The following PTPRN2 variants were observed in gnomAD, a reference collection of about 807,000 sequenced individuals.
PTPRN2 encodes the protein protein tyrosine phosphatase receptor type N2.
Under a neutral mutation model 118.8 loss-of-function variants are expected in PTPRN2, and 74 were observed. That is an observed-to-expected ratio of 0.62 (90% confidence interval 0.52 to 0.76). PTPRN2 has a LOEUF of 0.76. Among genes scored for constraint, PTPRN2 ranks in the 30% least tolerant of loss-of-function variants. The probability of loss-of-function intolerance (pLI) is 0.00; values close to 1 mark genes in which losing one functional copy is unlikely to be tolerated. For missense variants in PTPRN2, 1,481 were observed against 1,394.4 expected (o/e 1.06, Z -0.99); for synonymous variants, 641 against 608.0 (o/e 1.05, Z -0.80).
chr7:158,334,376 T>C (rs185584369), intron 2 of PTPRN2, among the ~76,000 whole-genome samples: 268 of 4,148 alleles, frequency 0.065, 1 homozygote, highest in African/African-American at 0.084. Context: ...CGCCCGCAGA[T>C]GTCACTCACA....
At chr7:158,415,586 G>A (rs1814590614) in intron 2 of PTPRN2, among the ~76,000 whole-genome samples, 1 of 152,170 alleles carries the variant, frequency 6.6e-6, no homozygotes, top group Non-Finnish European at 1.5e-5. Flanking sequence ...TTAGAACCAT[G>A]GGCCCATTCT....
At chr7:158,171,018 T>A (rs1823505591) in intron 5 of PTPRN2, among the ~76,000 whole-genome samples, 1 of 146,200 alleles carries the variant, frequency 6.8e-6, no homozygotes, top group South Asian at 2.1e-4. Context: ...TACACATACA[T>A]ATATATACAC....
At chr7:158,248,646 C>T (rs1796414414) in intron 3 of PTPRN2, among the ~76,000 whole-genome samples, 1 of 151,440 alleles carries the variant, frequency 6.6e-6, no homozygotes, top group Non-Finnish European at 1.5e-5. Flanking sequence ...CACACATATG[C>T]ACACATCACA....
At chr7:158,300,507 G>A (rs191044288) in intron 3 of PTPRN2, among the ~76,000 whole-genome samples, 2 of 56,308 alleles carry the variant, frequency 3.6e-5, no homozygotes, top group East Asian at 4.5e-4. Flanking sequence ...CCCATGAGGC[G>A]ACGTGGTGCG....
intron 11 of PTPRN2, among the ~76,000 whole-genome samples, chr7:158,016,328 G>A (rs1053494053): frequency 6.6e-6 from 1 of 152,154 alleles, no homozygotes; most frequent in South Asian, 2.1e-4. Flanking sequence ...CCTGTGCCCC[G>A]CCGGGCCCAC....
rs113620993 is a variant in PTPRN2, at chr7:157,936,021, G to A, written c.1724-37284C>T. Among the ~76,000 whole-genome samples, 1,003 of 150,578 alleles carry A rather than the reference G, an allele frequency of 6.7e-3. 15 individuals carry two copies. The highest frequency in any genetic ancestry group is 0.023 in the African/African-American group (959 of 40,852). ...TTTAGACATCTTCAGCATCTGTGTC[G>A]CTCCCTCAGGGGGGTCTAGCCATCC... On this transcript the variant is annotated intron_variant, in intron 11 of 22. Transcript: ENST00000389418.
At chr7:158,337,507 C>A (rs201342145) in intron 2 of PTPRN2, among the ~76,000 whole-genome samples, 7 of 117,882 alleles carry the variant, frequency 5.9e-5, no homozygotes, top group African/African-American at 1.7e-4. Flanking sequence ...TCACTCGCAC[C>A]CACACTCTCA....
At chr7:157,776,332 ATCTCCTCCTCCTCCT>A (rs1239609236) in intron 12 of PTPRN2, among the ~76,000 whole-genome samples, 5 of 30,968 alleles carry the variant, frequency 1.6e-4, no homozygotes, top group Non-Finnish European at 2.5e-4. Flanking sequence ...CTCCTCCTCC[ATCTCCTCCTCCTCCT>A]TCTCCTCTTC....
intron 11 of PTPRN2, among the ~76,000 whole-genome samples, chr7:158,011,335 C>A (rs1435248539): frequency 1.3e-5 from 2 of 152,210 alleles, no homozygotes; most frequent in African/African-American, 2.4e-5. Flanking sequence ...GAGGCCTCTT[C>A]TCTATCATCT....
intron 13 of PTPRN2, among the ~76,000 whole-genome samples, chr7:157,666,148 GA>G (rs1017851761): frequency 7.0e-4 from 103 of 147,934 alleles, no homozygotes; most frequent in African/African-American, 2.4e-3. Flanking sequence ...AAAAAAAAAA[GA>G]AAAAAAATTC....
chr7:158,517,406 C>T lies in PTPRN2; in HGVS notation c.113-27621G>A, dbSNP rs985632277. Reference sequence around the variant, plus strand: ...GGGCCACATATGGGGAATTCCAGAACGTGACCCTGTACCTAAATCCCTGCA... The same window carrying T: ...GGGCCACATATGGGGAATTCCAGAATGTGACCCTGTACCTAAATCCCTGCA... On this transcript the variant is annotated intron_variant, in intron 1 of 22. Transcript: ENST00000389418. This position sits in a 1 kb window ranked among gnomAD's most constrained non-coding sequence, Gnocchi z 5.3. 3.9e-5 allele frequency among the ~76,000 whole-genome samples: 6 copies of T among 152,106 alleles called. No homozygotes were observed. The highest frequency in any genetic ancestry group is 2.0e-4 in the Admixed American group (3 of 15,282).
intron 11 of PTPRN2, among the ~76,000 whole-genome samples, chr7:157,923,751 T>C (rs898082238): frequency 6.6e-5 from 10 of 152,100 alleles, no homozygotes; most frequent in Admixed American, 6.5e-4. Flanking sequence ...TAAAGAGAAA[T>C]CTCTGCCTTT....
Position 157,743,107 on chromosome 7 carries a change from G to C in PTPRN2, c.1789-60170C>G, listed in dbSNP as rs373591767. Among the ~76,000 whole-genome samples, 57 of 152,312 alleles carry C rather than the reference G, an allele frequency of 3.7e-4. No homozygotes were observed. In the South Asian group the frequency reaches 0.011, roughly 28 times the overall value. On this transcript the variant is annotated intron_variant, in intron 12 of 22. Transcript: ENST00000389418. ...GGTGGAGAGAACCTTGTAATGAACGGACCACTCACTGAGCCTGGGCAGCTC... is the reference window on the plus strand; with the variant it reads ...GGTGGAGAGAACCTTGTAATGAACGCACCACTCACTGAGCCTGGGCAGCTC...
At chr7:157,912,967 G>A (rs989266106) in intron 11 of PTPRN2, among the ~76,000 whole-genome samples, 4 of 152,118 alleles carry the variant, frequency 2.6e-5, no homozygotes, top group East Asian at 1.9e-4. Context: ...AGCTTGTCAC[G>A]TTTGTAAATG....
chr7:157,997,144 G>A (rs1023360974), intron 11 of PTPRN2, among the ~76,000 whole-genome samples: 1 of 152,230 alleles, frequency 6.6e-6, no homozygotes, highest in African/African-American at 2.4e-5. Flanking sequence ...ATCTGATGGG[G>A]CCTGGGTCAT....
At chr7:157,776,318 TCTC>T (rs1240122688) in intron 12 of PTPRN2, among the ~76,000 whole-genome samples, 30 of 31,808 alleles carry the variant, frequency 9.4e-4, no homozygotes, top group African/African-American at 3.2e-3. Context: ...TCTTCCTCCC[TCTC>T]CTCCTCCTCC....
chr7:157,825,369 T>G (rs1036495272), intron 12 of PTPRN2, among the ~76,000 whole-genome samples: 2 of 152,194 alleles, frequency 1.3e-5, no homozygotes, highest in African/African-American at 4.8e-5. Context: ...TAGAACACCT[T>G]GTTTCTGGGA....
At chr7:158,198,133 G>A (rs1193851693) in intron 4 of PTPRN2, among the ~76,000 whole-genome samples, 2 of 152,096 alleles carry the variant, frequency 1.3e-5, no homozygotes, top group South Asian at 2.1e-4. Flanking sequence ...CTCACTAATT[G>A]CTAATCAATG....
intron 15 of PTPRN2, among the ~76,000 whole-genome samples, chr7:157,612,275 A>G (rs909688310): frequency 9.2e-5 from 14 of 152,078 alleles, no homozygotes; most frequent in African/African-American, 3.4e-4. Flanking sequence ...GAACTAGAAC[A>G]GTTTGCTGTA....
Sources: gnomAD v4.1 joint callset for allele counts (sites outside exome capture counted in the v4.1 genomes callset) on GRCh38, gnomAD v4.1.1 for gene constraint, Gnocchi (gnomAD v3.1) non-coding constraint, MANE v1.5 for transcripts, NCBI Gene and HGNC (gene_info 2026-07-23, HGNC 2026-07-21) for gene names.